SUPT3H: variants seen among roughly 807,000 people sequenced by gnomAD.
SUPT3H encodes the protein transcription initiation protein SPT3 homolog.
A neutral mutation model predicts 44.3 loss-of-function variants in SUPT3H; 44 were observed. The observed-to-expected ratio is 0.99, with a 90% CI of 0.78 to 1.28. SUPT3H has a LOEUF of 1.28. Among genes scored for constraint, SUPT3H ranks in the 50% most tolerant of loss-of-function variants. The pLI is 0.00. For synonymous variants in SUPT3H, 124 were observed against 125.6 expected, an observed-to-expected ratio of 0.99 and a Z score of 0.09; for missense variants, 380 against 387.1, an observed-to-expected ratio of 0.98 and a Z score of 0.15.
chr6:45,274,130 A>G (rs1776648813), intron 2 of SUPT3H, among the ~76,000 whole-genome samples: 2 of 152,168 alleles, frequency 1.3e-5, no homozygotes, highest in East Asian at 3.9e-4. Context: ...TCCTTTGCCC[A>G]TTTTTTAATT....
chr6:45,342,175 G>A (rs979893786), intron 2 of SUPT3H, among the ~76,000 whole-genome samples: 1 of 151,936 alleles, frequency 6.6e-6, no homozygotes, highest in Non-Finnish European at 1.5e-5. Flanking sequence ...AATAGGAAAG[G>A]GTTTTTATTA....
intron 3 of SUPT3H, among the ~76,000 whole-genome samples, chr6:45,066,000 A>G (rs1793233415): frequency 7.1e-6 from 1 of 140,246 alleles, no homozygotes; most frequent in African/African-American, 2.7e-5. Flanking sequence ...GGGCAGAGAC[A>G]CAACCAAAAA....
At chr6:45,202,791 CA>C (rs1762638030) in intron 2 of SUPT3H, among the ~76,000 whole-genome samples, 2 of 151,952 alleles carry the variant, frequency 1.3e-5, no homozygotes, top group Admixed American at 1.3e-4. Flanking sequence ...AACTAAAGAG[CA>C]AATTGATTTA....
At chr6:45,248,508 G>C (rs1461640754) in intron 2 of SUPT3H, among the ~76,000 whole-genome samples, 1 of 152,060 alleles carries the variant, frequency 6.6e-6, no homozygotes, top group African/African-American at 2.4e-5. Context: ...TTAGTCACTA[G>C]GAAATGCAAA....
At chr6:45,352,354 G>A (rs74330972) in intron 2 of SUPT3H, among the ~76,000 whole-genome samples, 2,665 of 152,152 alleles carry the variant, frequency 0.018, 49 homozygotes, top group South Asian at 0.085. Flanking sequence ...AGAAAAGAAA[G>A]TGTATCAAGT....
chr6:45,282,959 C>G (rs962361849), intron 2 of SUPT3H, among the ~76,000 whole-genome samples: 3 of 152,098 alleles, frequency 2.0e-5, no homozygotes, highest in African/African-American at 7.2e-5. Context: ...GAATTTTTAA[C>G]CCAGAATTTC....
chr6:44,864,089 T>A (rs1262295011), intron 10 of SUPT3H, among the ~76,000 whole-genome samples: 1 of 152,072 alleles, frequency 6.6e-6, no homozygotes, highest in Non-Finnish European at 1.5e-5. Flanking sequence ...CATTTCAAAA[T>A]CAATCATGCC....
intron 10 of SUPT3H, among the ~76,000 whole-genome samples, chr6:44,912,649 G>C (rs1767234885): frequency 1.3e-5 from 2 of 152,200 alleles, no homozygotes; most frequent in Non-Finnish European, 1.5e-5. Context: ...AGAGATTCTT[G>C]ATTATTCCAG....
chr6:45,261,961 T>C (rs1478124989), intron 2 of SUPT3H, among the ~76,000 whole-genome samples: 1 of 151,934 alleles, frequency 6.6e-6, no homozygotes, highest in Non-Finnish European at 1.5e-5. Flanking sequence ...AAATAAAAAA[T>C]GCAATCCCAC....
chr6:44,965,500 T>C (rs1413433429), intron 6 of SUPT3H, among the ~76,000 whole-genome samples: 3 of 152,194 alleles, frequency 2.0e-5, no homozygotes, highest in Admixed American at 6.5e-5. Flanking sequence ...TTGAGCTATA[T>C]ATGCACTGAC....
chr6:45,280,986 G>A (rs530494790), intron 2 of SUPT3H, among the ~76,000 whole-genome samples: 114 of 152,192 alleles, frequency 7.5e-4, no homozygotes, highest in Non-Finnish European at 1.4e-3. Flanking sequence ...ACTGCACTTC[G>A]ATGTAACCAG....
intron 2 of SUPT3H, chr6:45,328,463 G>A (rs372706365): frequency 6.8e-7 from 1 of 1,475,016 alleles, no homozygotes; most frequent in African/African-American, 1.4e-5. Context: ...CAGAGTCAGT[G>A]AGTGCTCTCT....
At chr6:45,321,931 CAT>C (rs2150038421) in intron 2 of SUPT3H, 12 of 1,145,076 alleles carry the variant, frequency 1.0e-5, no homozygotes, top group East Asian at 2.7e-5. Flanking sequence ...ATGGTTAAAA[CAT>C]ATTATAAATA....
At chr6:45,196,816 TGATAAAA>T (rs1816111442) in intron 2 of SUPT3H, among the ~76,000 whole-genome samples, 1 of 151,900 alleles carries the variant, frequency 6.6e-6, no homozygotes, top group Non-Finnish European at 1.5e-5. Context: ...TGACAACTAC[TGATAAAA>T]GATGAGAATA....
chr6:45,239,782 C>T (rs1475160353), intron 2 of SUPT3H, among the ~76,000 whole-genome samples: 1 of 152,242 alleles, frequency 6.6e-6, no homozygotes, highest in Non-Finnish European at 1.5e-5. Context: ...AAACACATTA[C>T]TGGCATCCCA....
intron 3 of SUPT3H, among the ~76,000 whole-genome samples, chr6:45,038,176 A>G (rs905631070): frequency 5.9e-5 from 9 of 152,222 alleles, no homozygotes; most frequent in African/African-American, 1.9e-4. Context: ...CAGTTCATTT[A>G]TAAAAACTAC....
At chr6:45,331,104 G>GGTGTGTGTGTGT (rs143223149) in intron 2 of SUPT3H, among the ~76,000 whole-genome samples, 7 of 149,606 alleles carry the variant, frequency 4.7e-5, no homozygotes, top group African/African-American at 1.2e-4. Flanking sequence ...TACAATGAGT[G>GGTGTGTGTGTGT]GTGTGTGTGT....
Position 44,829,626 on chromosome 6 carries a change from C to T in SUPT3H, c.*190G>A. 1.7e-6 allele frequency: 1 copy of T among 605,104 alleles called. No individual in the cohort carries two copies. The highest frequency in any genetic ancestry group is 3.0e-6 in the Non-Finnish European group (1 of 337,300). 37.5% of individuals were successfully genotyped at this position (605,104 alleles called of 1,614,324 possible). ...TCCTGCCATTAATTAGCTGAACAGC[C>T]CATCTAGTAAACAAGACCGATGGTT... is the stretch of plus-strand genomic sequence containing the variant. On this transcript the variant is annotated 3_prime_UTR_variant, in exon 11 of 11. Transcript: ENST00000371459.
chr6:45,150,490 A>G (rs1044694205), intron 2 of SUPT3H, among the ~76,000 whole-genome samples: 3 of 152,142 alleles, frequency 2.0e-5, no homozygotes, highest in Non-Finnish European at 2.9e-5. Context: ...ACAAAATGAG[A>G]TATTTTTCTC....
Sources: allele counts gnomAD v4.1 joint callset (sites outside exome capture counted in the v4.1 genomes callset), GRCh38; gene constraint gnomAD v4.1.1; transcripts MANE v1.5; gene names NCBI Gene and HGNC (gene_info 2026-07-23, HGNC 2026-07-21).